The following CNGB1 variants were observed in gnomAD, a reference collection of about 807,000 sequenced individuals.
CNGB1 encodes cyclic nucleotide-gated channel beta-1.
In CNGB1, 126 loss-of-function variants were observed where a neutral mutation model predicts 151.7. That is an observed-to-expected ratio of 0.83 (90% CI 0.72 to 0.96). The LOEUF (loss-of-function observed/expected upper bound fraction) is 0.96, where lower values mean the gene tolerates loss of function less well. Among genes scored for constraint, CNGB1 ranks in the 40% least tolerant of loss-of-function variants. CNGB1 has a pLI of 0.00. For missense variants in CNGB1, 1,698 were observed against 1,627.0 expected, an observed-to-expected ratio of 1.04 and a Z score of -0.75; for synonymous variants, 623 against 635.1, an observed-to-expected ratio of 0.98 and a Z score of 0.29.
intron 17 of CNGB1, among the ~76,000 whole-genome samples, chr16:57,926,235 T>G (rs1422509541): frequency 6.6e-6 from 1 of 152,142 alleles, no homozygotes; most frequent in Non-Finnish European, 1.5e-5. Context: ...TCTGCACATC[T>G]TCCCAAGAAG....
intron 14 of CNGB1, among the ~76,000 whole-genome samples, chr16:57,941,863 T>C (rs574638487): frequency 8.5e-5 from 13 of 152,264 alleles, no homozygotes; most frequent in Admixed American, 7.8e-4. Flanking sequence ...TTTATTCATT[T>C]ATTTTTGAGA....
chr16:57,915,696 C>T (rs1466850539), intron 22 of CNGB1, among the ~76,000 whole-genome samples: 3 of 151,964 alleles, frequency 2.0e-5, no homozygotes, highest in Non-Finnish European at 4.4e-5. Context: ...GTCAGGAGTT[C>T]GAGACCAGAC....
Position 57,897,896 on chromosome 16 carries a change from T to A in CNGB1, c.2995A>T (p.Met999Leu), listed in dbSNP as rs985720700. 6.2e-7 allele frequency: 1 copy of A among 1,614,140 alleles called. No individual in the cohort carries two copies. Among genetic ancestry groups the A allele is most frequent in the South Asian group, 1.1e-5 (1 of 91,076 alleles). The change falls in exon 30 of 33, where the codon ATG (methionine) becomes TTG (leucine). Residue 999 changes from methionine (M) to leucine (L), a missense_variant. Met to Leu is a conservative substitution (Grantham distance 15, BLOSUM62 2). Transcript: ENST00000251102. ...VCKKGEIGRE[M>L]YIIQAGQVQV... ...ACTTGCCCTGCCTGGATGATGTACA[T>A]CTCACGGCCGATCTCCCCCTGAAAC...
intron 12 of CNGB1, chr16:57,954,626 A>T (rs1274854682): frequency 1.1e-5 from 11 of 959,212 alleles, no homozygotes; most frequent in Non-Finnish European, 1.1e-5. Context: ...TAAAACCTAA[A>T]CCCTTCTTTT....
intron 17 of CNGB1, among the ~76,000 whole-genome samples, chr16:57,923,938 A>G (rs1567379973): frequency 6.6e-6 from 1 of 152,118 alleles, no homozygotes; most frequent in Non-Finnish European, 1.5e-5. Flanking sequence ...CAGGCTCCCT[A>G]TCTGAAGAAT....
intron 12 of CNGB1, among the ~76,000 whole-genome samples, chr16:57,952,024 G>A (rs1961961144): frequency 1.3e-5 from 2 of 152,354 alleles, no homozygotes; most frequent in South Asian, 4.1e-4. Flanking sequence ...GAATCCGGTG[G>A]TGGGACGCTT....
chr16:57,963,545 A>T (rs117270479), intron 4 of CNGB1, among the ~76,000 whole-genome samples: 4,067 of 152,248 alleles, frequency 0.027, 87 homozygotes, highest in Middle Eastern at 0.037. Flanking sequence ...TGTGAAGGTC[A>T]CAGCCTCCCT....
In CNGB1 at chr16:57,939,444, G is replaced by A; in HGVS notation, c.1358C>T (p.Ala453Val). The A allele has an allele frequency of 6.2e-7, 1 of 1,614,122 alleles. No homozygotes were observed. Among genetic ancestry groups the A allele is most frequent in the Non-Finnish European group, 8.5e-7 (1 of 1,180,022 alleles). The change falls in exon 16 of 33, where the codon GCT becomes GTT. Residue 453 changes from alanine to valine, a missense_variant. Ala to Val is a moderately conservative substitution (Grantham distance 64). Coordinates refer to ENST00000251102, the MANE Select transcript of CNGB1 (RefSeq NM_001297.5). ...ACCACACCTACCTCCTGAACTGGCA[G>A]CCTCGGCCTCAGCCTCAGGCTCCTC... The part of the protein sequence containing the change: ...TKEEPEAEAE[A>V]ASSGVPATKQ...
chr16:57,946,158 T>C (rs1234539396), intron 14 of CNGB1, among the ~76,000 whole-genome samples: 1 of 152,146 alleles, frequency 6.6e-6, no homozygotes, highest in Non-Finnish European at 1.5e-5. Flanking sequence ...TTGGCTGAGG[T>C]TGGCTTCCTG....
At chr16:57,967,483 C>T in intron 1 of CNGB1, 189 bp from the exon 2 acceptor site, 3 of 595,732 alleles carry the variant, frequency 5.0e-6, no homozygotes, top group South Asian at 1.9e-5. Context: ...TGCTTGAATC[C>T]AGGAGTTTGA....
At chr16:57,926,629 T>TG (rs1961196854) in intron 17 of CNGB1, among the ~76,000 whole-genome samples, 1 of 152,216 alleles carries the variant, frequency 6.6e-6, no homozygotes, top group Admixed American at 6.5e-5. Context: ...ACCCCATTGC[T>TG]GGGACCCAAA....
intron 11 of CNGB1, 128 bp downstream of exon 11, chr16:57,958,282 G>T: frequency 7.8e-6 from 4 of 513,462 alleles, no homozygotes; most frequent in South Asian, 4.7e-5. Flanking sequence ...ATGAACGTGG[G>T]CCATGCAGAC....
chr16:57,926,370 A>C (rs1364813199), intron 17 of CNGB1, among the ~76,000 whole-genome samples: 3 of 151,932 alleles, frequency 2.0e-5, no homozygotes, highest in Admixed American at 6.6e-5. Context: ...TGGGACCCAA[A>C]CCTGAGTCTG....
intron 25 of CNGB1, among the ~76,000 whole-genome samples, chr16:57,908,231 G>A (rs1207194682): frequency 6.6e-6 from 1 of 152,248 alleles, no homozygotes; most frequent in Non-Finnish European, 1.5e-5. Flanking sequence ...CTCGGGGCAG[G>A]GCTCATGGCA....
At chr16:57,963,623 A>G (rs1201585757) in intron 4 of CNGB1, among the ~76,000 whole-genome samples, 3 of 152,168 alleles carry the variant, frequency 2.0e-5, no homozygotes, top group African/African-American at 7.2e-5. Context: ...GTCTGAGCCA[A>G]CTGGGAGATT....
chr16:57,952,128 G>A (rs1344038545), intron 12 of CNGB1, among the ~76,000 whole-genome samples: 1 of 152,252 alleles, frequency 6.6e-6, no homozygotes, highest in East Asian at 1.9e-4. Context: ...GGGCATAGCA[G>A]GGGACATCCA....
Position 57,918,693 on chromosome 16 carries a change from T to G in CNGB1, c.1957+406A>C, listed in dbSNP as rs901933832. On this transcript the variant is annotated intron_variant, in intron 20 of 32. Coordinates refer to ENST00000251102, the MANE Select transcript of CNGB1 (RefSeq NM_001297.5). Reference sequence around the variant, plus strand: ...AATGGGTATGATCTTATGTTCCTATTCCAGGGACTTTTGTTGTTGTTTTTA... The same window carrying G: ...AATGGGTATGATCTTATGTTCCTATGCCAGGGACTTTTGTTGTTGTTTTTA... Among the ~76,000 whole-genome samples the G allele has an allele frequency of 2.0e-5, 3 of 152,284 alleles. No individual in the cohort carries two copies. The South Asian group carries it at 6.2e-4, about 32-fold the overall frequency.
rs1275915166 is a variant in CNGB1, at chr16:57,901,515, C to T, written c.2892+13G>A. On this transcript the variant is annotated intron_variant, in intron 28 of 32. Coordinates refer to ENST00000251102, the MANE Select transcript of CNGB1 (RefSeq NM_001297.5). ...TCCCACAGCCCTGAGCGTGAGGGCA[C>T]CAAAAGGTGTACCTGAAAGAGTGCG... 2 of 1,614,084 alleles carry T rather than the reference C, an allele frequency of 1.2e-6. No individual in the cohort carries two copies. Among genetic ancestry groups the T allele is most frequent in the Non-Finnish European group, 1.7e-6 (2 of 1,179,906 alleles).
intron 27 of CNGB1, among the ~76,000 whole-genome samples, chr16:57,902,728 A>G (rs2149357936): frequency 6.6e-6 from 1 of 152,234 alleles, no homozygotes; most frequent in South Asian, 2.1e-4. Context: ...CTCCAGCCTC[A>G]GCCTCCTGAG....
Sources: gnomAD v4.1 joint callset for allele counts (sites outside exome capture counted in the v4.1 genomes callset) on GRCh38, gnomAD v4.1.1 for gene constraint, MANE v1.5 for transcripts, NCBI Gene and HGNC (gene_info 2026-07-23, HGNC 2026-07-21) for gene names.